KCNC4: variants seen among roughly 807,000 people sequenced by gnomAD.
KCNC4 encodes the protein voltage-gated potassium channel KCNC4.
A neutral mutation model predicts 42.8 loss-of-function variants in KCNC4; 23 were observed. The observed-to-expected ratio is 0.54, with a 90% CI of 0.39 to 0.76. The LOEUF is 0.76. Among genes scored for constraint, KCNC4 ranks in the 30% least tolerant of loss-of-function variants. The pLI, the probability that KCNC4 is intolerant of heterozygous loss-of-function variation, is 0.00. For missense variants in KCNC4, 751 were observed against 898.2 expected, an observed-to-expected ratio of 0.84 and a Z score of 2.10; for synonymous variants, 422 against 393.5, an observed-to-expected ratio of 1.07 and a Z score of -0.86.
At chr1:110,228,798 G>C (rs552680596) in intron 3 of KCNC4, 2 of 152,730 alleles carry the variant, frequency 1.3e-5, no homozygotes, top group African/African-American at 2.4e-5. Flanking sequence ...GAGGGAGCAG[G>C]GGGGAGCAGT....
At chr1:110,231,757 A>G (rs1277646226) in intron 3 of KCNC4, among the ~76,000 whole-genome samples, 2 of 152,186 alleles carry the variant, frequency 1.3e-5, no homozygotes, top group African/African-American at 4.8e-5. Flanking sequence ...GATTTCAAGG[A>G]TAGTACTCAG....
At chr1:110,227,597 C>T (rs890326895) in intron 3 of KCNC4, among the ~76,000 whole-genome samples, 3 of 152,314 alleles carry the variant, frequency 2.0e-5, no homozygotes, top group South Asian at 2.1e-4. Context: ...CCTTCTCTCC[C>T]GCCGACCATC....
intron 3 of KCNC4, chr1:110,232,143 G>A (rs1658724442): frequency 2.1e-6 from 3 of 1,402,910 alleles, no homozygotes; most frequent in East Asian, 4.9e-5. Flanking sequence ...CAGGCTGAGG[G>A]TGGGATCCCA....
Position 110,226,042 on chromosome 1 carries a change from C to T in KCNC4, c.1683C>T (p.Pro561=). 1 of 1,613,992 alleles carries T rather than the reference C, an allele frequency of 6.2e-7. No individual in the cohort carries two copies. ...AGGAGGGAGCTGGCCTCACCCAACC[C>T]CTGGCCTCCTCCCCGACCCCCGAGG... is the stretch of plus-strand genomic sequence containing the variant. ...SDEEGAGLTQ[P]LASSPTPEER... Residue 561 remains proline, a synonymous_variant, in exon 3 of 4, where the codon CCC becomes CCT. Coordinates refer to ENST00000438661, the MANE Select transcript of KCNC4 (RefSeq NM_001039574.3).
At position 110,210,336 on chromosome 1, in the gene KCNC4, C is replaced by T. The variant is rs994278977; in HGVS notation, c.-1164C>T. Among the ~76,000 whole-genome samples, 5 of 151,646 alleles carry T rather than the reference C, an allele frequency of 3.3e-5. No individual in the cohort carries two copies. Among genetic ancestry groups the T allele is most frequent in the African/African-American group, 7.3e-5 (3 of 41,354 alleles). On this transcript the variant is annotated 5_prime_UTR_variant, in exon 1 of 4. Coordinates refer to ENST00000438661, the MANE Select transcript of KCNC4 (RefSeq NM_001039574.3). ...GCCACTGGGGCGTGGCGGCCGCTGCCAGCGCCGGAGGGAGACCATGAGCCC... is the reference window on the plus strand; with the variant it reads ...GCCACTGGGGCGTGGCGGCCGCTGCTAGCGCCGGAGGGAGACCATGAGCCC...
At chr1:110,232,803 T>C in intron 3 of KCNC4, 108 bp from the exon 4 acceptor site, 1 of 1,546,424 alleles carries the variant, frequency 6.5e-7, no homozygotes. Context: ...TCTCATTCTT[T>C]GTTTCTCCCT....
chr1:110,212,574 G>A (rs1381639223), intron 1 of KCNC4, among the ~76,000 whole-genome samples: 1 of 152,120 alleles, frequency 6.6e-6, no homozygotes, highest in East Asian at 1.9e-4. Context: ...CTTCTGATGG[G>A]GGCAGGCAGG....
chr1:110,223,018 C>T lies in KCNC4; in HGVS notation c.733C>T (p.Leu245=). The change falls in exon 2 of 4, where the codon CTG becomes TTG. Residue 245 remains leucine (L), a synonymous_variant. Coordinates refer to ENST00000438661, the MANE Select transcript of KCNC4 (RefSeq NM_001039574.3). This position sits in a 1 kb window ranked among gnomAD's most constrained non-coding sequence, Gnocchi z 7.5. Reference sequence around the variant, plus strand: ...CCTGGTCTCCATCACCACTTTCTGCCTGGAGACCCATGAGGCCTTTAATAT... The same window carrying T: ...CCTGGTCTCCATCACCACTTTCTGCTTGGAGACCCATGAGGCCTTTAATAT... ...FILVSITTFC[L]ETHEAFNIDR... 1 of 1,614,186 alleles carries T rather than the reference C, an allele frequency of 6.2e-7. No individual in the cohort carries two copies. The highest frequency in any genetic ancestry group is 8.5e-7 in the Non-Finnish European group (1 of 1,180,046).
chr1:110,237,553 C>T (rs1658934762), downstream of KCNC4: 1 of 152,198 alleles, frequency 6.6e-6, no homozygotes, highest in Non-Finnish European at 1.5e-5. Context: ...AGTGGATGAT[C>T]ATGTGCTGCA....
intron 1 of KCNC4, among the ~76,000 whole-genome samples, chr1:110,268,904 AT>A (rs1469471958): frequency 6.6e-6 from 1 of 151,334 alleles, no homozygotes; most frequent in Non-Finnish European, 1.5e-5. Flanking sequence ...AATTTTTTGT[AT>A]TTTTAGTAGA....
At position 110,223,130 on chromosome 1, in the gene KCNC4, C is replaced by T; in HGVS notation, c.845C>T (p.Thr282Ile). ...RREVETEPIL[T>I]YIEGVCVLWF... ...GAGGTAGAGACAGAGCCCATCCTGA[C>T]CTACATCGAGGGCGTATGTGTGCTG... Residue 282 changes from threonine (T) to isoleucine (I), a missense_variant, in exon 2 of 4, where the codon ACC becomes ATC. Physicochemically the swap from Thr to Ile is moderately conservative, Grantham distance 89. Coordinates refer to ENST00000438661, the MANE Select transcript of KCNC4 (RefSeq NM_001039574.3). This position sits in a 1 kb window ranked among gnomAD's most constrained non-coding sequence, Gnocchi z 7.5. 6.2e-7 allele frequency: 1 copy of T among 1,614,224 alleles called. No homozygotes were observed. Among genetic ancestry groups the T allele is most frequent in the South Asian group, 1.1e-5 (1 of 91,088 alleles).
chr1:110,226,851 A>AT (rs1277083303), intron 3 of KCNC4, among the ~76,000 whole-genome samples: 3 of 152,166 alleles, frequency 2.0e-5, no homozygotes, highest in Non-Finnish European at 2.9e-5. Context: ...AAAGGCTGAA[A>AT]TTCCATCCCC....
In KCNC4 at chr1:110,211,153, G is replaced by T. The variant is rs1323916302; in HGVS notation, c.-347G>T. ...ACTGTGCGCTTCCTCGTCTTTGGTC[G>T]GGGTGAAGGCGGGGGCGTGTCCCCG... On this transcript the variant is annotated 5_prime_UTR_variant, in exon 1 of 4. Coordinates refer to ENST00000438661, the MANE Select transcript of KCNC4 (RefSeq NM_001039574.3). This position sits in a 1 kb window ranked among gnomAD's most constrained non-coding sequence, Gnocchi z 6.5. Among the ~76,000 whole-genome samples, 2 of 152,244 alleles carry T rather than the reference G, an allele frequency of 1.3e-5. No homozygotes were observed. The highest frequency in any genetic ancestry group is 2.4e-5 in the African/African-American group (1 of 41,474).
chr1:110,258,567 T>C (rs1659374954), intron 1 of KCNC4, among the ~76,000 whole-genome samples: 1 of 152,152 alleles, frequency 6.6e-6, no homozygotes, highest in African/African-American at 2.4e-5. Context: ...TTCTATACTT[T>C]CTAAATTTTC....
chr1:110,243,941 A>T (rs780649393), exon 4 of KCNC4: 1 of 152,280 alleles, frequency 6.6e-6, no homozygotes, highest in Non-Finnish European at 1.5e-5. Context: ...GTTCCAGTCC[A>T]GCACAGATTA....
At chr1:110,227,766 G>C (rs1658478139) in intron 3 of KCNC4, among the ~76,000 whole-genome samples, 1 of 152,182 alleles carries the variant, frequency 6.6e-6, no homozygotes, top group Admixed American at 6.5e-5. Context: ...CCTGGGCTGT[G>C]AGGGGCTCAG....
chr1:110,237,588 G>C (rs1658935795), downstream of KCNC4: 1 of 152,278 alleles, frequency 6.6e-6, no homozygotes, highest in Non-Finnish European at 1.5e-5. Flanking sequence ...AAGTATTTCT[G>C]CTCGGCGTGG....
intron 1 of KCNC4, chr1:110,272,697 G>GGAAA (rs1659656412): frequency 6.6e-6 from 1 of 150,972 alleles, no homozygotes; most frequent in Admixed American, 6.6e-5. Flanking sequence ...GTTAGGGTGA[G>GGAAA]AGAGGAAAAG....
exon 4 of KCNC4, chr1:110,247,041 C>T (rs1414779379): frequency 6.6e-6 from 1 of 152,022 alleles, no homozygotes; most frequent in Non-Finnish European, 1.5e-5. Flanking sequence ...TAACGTATTT[C>T]ACCTCTTGTT....
Sources: allele counts gnomAD v4.1 joint callset (sites outside exome capture counted in the v4.1 genomes callset), GRCh38; gene constraint gnomAD v4.1.1; non-coding constraint Gnocchi (gnomAD v3.1); transcripts MANE v1.5; gene names NCBI Gene and HGNC (gene_info 2026-07-23, HGNC 2026-07-21).